Variants in ITGA9 observed in about 807,000 individuals in gnomAD.
ITGA9 encodes integrin subunit alpha 9.
Under a neutral mutation model 127.8 loss-of-function variants are expected in ITGA9, and 56 were observed. That is an observed-to-expected ratio of 0.44 (90% CI 0.35 to 0.55). ITGA9 has a LOEUF of 0.55. Among genes scored for constraint, ITGA9 ranks in the 20% least tolerant of loss-of-function variants. The probability of loss-of-function intolerance (pLI) is 0.00; values close to 1 mark genes in which losing one functional copy is unlikely to be tolerated. For missense variants in ITGA9, 1,196 were observed against 1,347.1 expected (o/e 0.89, Z 1.76); for synonymous variants, 508 against 514.5 (o/e 0.99, Z 0.17).
In ITGA9 at chr3:37,705,929, T is replaced by C. The variant is rs143543857; in HGVS notation, c.2067+21914T>C. Among the ~76,000 whole-genome samples, 270 of 152,318 alleles carry C rather than the reference T, an allele frequency of 1.8e-3. 3 individuals carry two copies. The highest frequency in any genetic ancestry group is 6.3e-3 in the African/African-American group (261 of 41,572). On this transcript the variant is annotated intron_variant, in intron 18 of 27. Coordinates refer to ENST00000264741, the MANE Select transcript of ITGA9 (RefSeq NM_002207.3). ...CATTTGTTCATCTGGAAAGAAGGAA[T>C]GTTCTAGTGGGGCCAGGCCCCATGT...
intron 18 of ITGA9, among the ~76,000 whole-genome samples, chr3:37,708,718 G>T (rs558509771): frequency 0.088 from 10 of 114 alleles, no homozygotes; most frequent in Non-Finnish European, 0.13. Flanking sequence ...CAGCATTGAG[G>T]CTGAGAAACC....
chr3:37,810,536 C>T (rs1697354621), intron 27 of ITGA9, among the ~76,000 whole-genome samples: 1 of 152,142 alleles, frequency 6.6e-6, no homozygotes, highest in African/African-American at 2.4e-5. Flanking sequence ...CTGCCTCAGC[C>T]TCCTGTGTAG....
rs183700242 is a variant in ITGA9 at position 37,457,498 on chromosome 3, C to T, written c.185+4939C>T. The stretch of plus-strand genomic sequence containing the variant: ...AACACCCAGAAATGGTGGTGGGAGC[C>T]CTGCCTTCTCATAACCTCAGTGGTG... On this transcript the variant is annotated intron_variant, in intron 1 of 27. Coordinates refer to ENST00000264741, the MANE Select transcript of ITGA9 (RefSeq NM_002207.3). Among the ~76,000 whole-genome samples, 13 of 152,276 alleles carry T rather than the reference C, an allele frequency of 8.5e-5. No homozygotes were observed. The East Asian group carries it at 2.5e-3, about 29-fold the overall frequency.
intron 15 of ITGA9, among the ~76,000 whole-genome samples, chr3:37,603,037 G>T (rs1211296424): frequency 1.3e-5 from 2 of 152,186 alleles, no homozygotes; most frequent in African/African-American, 2.4e-5. Context: ...ATGATATAAT[G>T]ATCTGGATAC....
At chr3:37,686,375 C>A (rs991485468) in intron 18 of ITGA9, among the ~76,000 whole-genome samples, 4 of 152,112 alleles carry the variant, frequency 2.6e-5, no homozygotes, top group African/African-American at 9.7e-5. Flanking sequence ...GCAGAATTGT[C>A]CCCCCTTGAA....
At chr3:37,549,915 TGTA>T (rs1474734278) in intron 15 of ITGA9, among the ~76,000 whole-genome samples, 1 of 152,202 alleles carries the variant, frequency 6.6e-6, no homozygotes, top group African/African-American at 2.4e-5. Flanking sequence ...TATTAAAGAA[TGTA>T]GTAATTAAAC....
chr3:37,512,005 TTTCTTTTCTTTTCTTTTC>T (rs1698914162), intron 8 of ITGA9, among the ~76,000 whole-genome samples: 1 of 40,280 alleles, frequency 2.5e-5, no homozygotes, highest in African/African-American at 6.4e-5. Context: ...TTTCTTTTCT[TTTCTTTTCTTTTCTTTTC>T]TTTTCTTTCT....
rs564449273 is a variant in ITGA9 at position 37,629,109 on chromosome 3, G to T, written c.1690-78G>T. The T allele has an allele frequency of 3.3e-6, 5 of 1,525,288 alleles. No homozygotes were observed. The South Asian group carries it at 4.5e-5, about 14-fold the overall frequency. The allele number at this position is 1,525,288 out of a possible 1,614,324, so 94.5% of individuals were successfully genotyped here. A position where few individuals can be genotyped will look rare whatever the true frequency, so the allele number is the denominator to read the frequency against. On this transcript the variant is annotated intron_variant, in intron 15 of 27. Transcript: ENST00000264741. This position sits in a 1 kb window ranked among gnomAD's most constrained non-coding sequence, Gnocchi z 4.5. Reference sequence around the variant, plus strand: ...TTATATGAGGCAATTCATGTAGAAGGTCTTTGTAAACTGTGAAATGCTCTA... The same window carrying T: ...TTATATGAGGCAATTCATGTAGAAGTTCTTTGTAAACTGTGAAATGCTCTA...
intron 18 of ITGA9, among the ~76,000 whole-genome samples, chr3:37,724,876 G>A (rs1343815729): frequency 6.6e-6 from 1 of 152,128 alleles, no homozygotes; most frequent in Non-Finnish European, 1.5e-5. Flanking sequence ...GATGATTGGT[G>A]AGTGAATTAA....
chr3:37,695,729 C>T (rs529065912), intron 18 of ITGA9, among the ~76,000 whole-genome samples: 1 of 152,210 alleles, frequency 6.6e-6, no homozygotes, highest in Admixed American at 6.5e-5. Flanking sequence ...TCCTGCTCTC[C>T]CAAGCAAGTC....
At chr3:37,537,081 G>A (rs961095381) in intron 14 of ITGA9, among the ~76,000 whole-genome samples, 2 of 152,180 alleles carry the variant, frequency 1.3e-5, no homozygotes, top group Non-Finnish European at 2.9e-5. Context: ...GTTATACTTC[G>A]GGTTAACCAC....
chr3:37,456,710 T>C (rs763825660), intron 1 of ITGA9, among the ~76,000 whole-genome samples: 2 of 152,184 alleles, frequency 1.3e-5, no homozygotes, highest in African/African-American at 2.4e-5. Context: ...TTTGTTAAAG[T>C]TGTCAGAGTG....
rs775154210 is a variant in ITGA9 at position 37,820,907 on chromosome 3, A to G, written c.*1918A>G. The G allele has an allele frequency of 1.3e-4, 20 of 152,212 alleles. No individual in the cohort carries two copies. The highest frequency in any genetic ancestry group is 2.6e-4 in the Non-Finnish European group (18 of 68,038). The allele number at this position is 152,212 out of a possible 1,614,324, so 9.4% of individuals were successfully genotyped here. ...CCGTGAACATTGTCAAAAAGACATCAAACTCAACTTCTGGGAAGACAGATT... is the reference window on the plus strand; with the variant it reads ...CCGTGAACATTGTCAAAAAGACATCGAACTCAACTTCTGGGAAGACAGATT... On this transcript the variant is annotated 3_prime_UTR_variant, in exon 28 of 28. Coordinates refer to ENST00000264741, the MANE Select transcript of ITGA9 (RefSeq NM_002207.3).
At chr3:37,461,971 A>G (rs1698320329) in intron 1 of ITGA9, among the ~76,000 whole-genome samples, 1 of 151,066 alleles carries the variant, frequency 6.6e-6, no homozygotes, top group Non-Finnish European at 1.5e-5. Flanking sequence ...TAAAAAGTAA[A>G]TGTAAATGTA....
Position 37,506,084 on chromosome 3 carries a change from A to C in ITGA9, c.827A>C (p.Lys276Thr), listed in dbSNP as rs1469388995. The C allele has an allele frequency of 6.2e-7, 1 of 1,602,844 alleles. No individual in the cohort carries two copies. Among genetic ancestry groups the C allele is most frequent in the East Asian group, 2.2e-5 (1 of 44,710 alleles). ...GCCCCACAGGACAAAGGCATCGGCA[A>C]GGTGAGGAGAAACATCTGTGGAATA... ...GGAPQDKGIG[K>T]VYIFRADRRS... Residue 276 changes from lysine to threonine, a missense_variant and splice_region_variant, in exon 7 of 28, where the codon AAG becomes ACG. Coordinates refer to ENST00000264741, the MANE Select transcript of ITGA9 (RefSeq NM_002207.3).
intron 18 of ITGA9, among the ~76,000 whole-genome samples, chr3:37,730,473 G>T (rs1390393158): frequency 6.6e-6 from 1 of 152,170 alleles, no homozygotes; most frequent in East Asian, 1.9e-4. Flanking sequence ...TTATTCTCTG[G>T]TTTTCCTTAT....
intron 17 of ITGA9, among the ~76,000 whole-genome samples, chr3:37,654,711 T>TA (rs1422326363): frequency 2.0e-5 from 3 of 152,218 alleles, no homozygotes; most frequent in Non-Finnish European, 4.4e-5. Context: ...TTTATTGTTA[T>TA]ACTTTAAGTT....
At position 37,785,003 on chromosome 3, in the gene ITGA9, G is replaced by A. The variant is rs751300551; in HGVS notation, c.2814G>A (p.Met938Ile). The A allele has an allele frequency of 5.6e-6, 9 of 1,614,142 alleles. No homozygotes were observed. In the East Asian group the frequency reaches 2.0e-4, roughly 36 times the overall value. Residue 938 changes from methionine (M) to isoleucine (I), a missense_variant, in exon 26 of 28, where the codon ATG becomes ATA. Met to Ile is a conservative substitution (Grantham distance 10, BLOSUM62 1). Transcript: ENST00000264741. ...KKDSSSVIQF[M>I]SRAKVKVDPA... Reference sequence around the variant, plus strand: ...ACAGTTCGTCTGTCATCCAGTTCATGTCCCGCGCCAAGGTGAAGGTGGATC... The same window carrying A: ...ACAGTTCGTCTGTCATCCAGTTCATATCCCGCGCCAAGGTGAAGGTGGATC...
intron 15 of ITGA9, among the ~76,000 whole-genome samples, chr3:37,615,000 A>G (rs976733418): frequency 5.3e-5 from 8 of 152,276 alleles, no homozygotes; most frequent in African/African-American, 7.2e-5. Flanking sequence ...TTCCAACACT[A>G]TGTTGAATAG....
Sources: allele counts gnomAD v4.1 joint callset (sites outside exome capture counted in the v4.1 genomes callset), GRCh38; gene constraint gnomAD v4.1.1; non-coding constraint Gnocchi (gnomAD v3.1); transcripts MANE v1.5; gene names NCBI Gene and HGNC (gene_info 2026-07-23, HGNC 2026-07-21).